CD37: variants seen among roughly 807,000 people sequenced by gnomAD.
The protein encoded by CD37 is leukocyte antigen CD37.
In CD37, 37 loss-of-function variants were observed where a neutral mutation model predicts 38.9. The ratio of observed to expected loss-of-function variants is 0.95; its 90% CI spans 0.73 to 1.25. The LOEUF (loss-of-function observed/expected upper bound fraction) is 1.25. Among genes scored for constraint, CD37 ranks in the 50% most tolerant of loss-of-function variants. The pLI, the probability that CD37 is intolerant of heterozygous loss-of-function variation, is 0.00. For missense variants in CD37, 351 were observed against 360.1 expected, an observed-to-expected ratio of 0.97 and a Z score of 0.20; for synonymous variants, 146 against 150.1, an observed-to-expected ratio of 0.97 and a Z score of 0.20.
chr19:49,336,319 G>A (rs1877718773), intron 2 of CD37: 1 of 159,276 alleles, frequency 6.3e-6, no homozygotes, highest in Non-Finnish European at 1.4e-5. Flanking sequence ...ACTTTGGGAA[G>A]CCGAGGCAGG....
In CD37 at chr19:49,335,551, A is replaced by T. The variant is rs761843933; in HGVS notation, c.11A>T (p.Gln4Leu). 6 of 1,613,728 alleles carry T rather than the reference A, an allele frequency of 3.7e-6. No individual in the cohort carries two copies. The highest frequency in any genetic ancestry group is 3.3e-5 in the Admixed American group (2 of 59,998). The change falls in exon 1 of 8, where the codon CAG becomes CTG. Residue 4 changes from glutamine to leucine, a missense_variant. By Grantham distance (113) the Gln-to-Leu change is moderately radical (BLOSUM62 -2). Transcript: ENST00000323906. This position sits in a 1 kb window ranked among gnomAD's most constrained non-coding sequence, Gnocchi z 4.6. ...CCCCACTAGGTGAAGATGTCAGCCC[A>T]GGAGAGCTGCCTCAGCCTCATCAAG... MSA[Q>L]ESCLSLIKYF...
At position 49,338,175 on chromosome 19, in the gene CD37, C is replaced by A. The variant is rs1036637227; in HGVS notation, c.447+146C>A. ...TCCCAGGCCCGACGCTCCCCACTCCCCAGATGACACAACTGTCCCCGGCGT... is the reference window on the plus strand; with the variant it reads ...TCCCAGGCCCGACGCTCCCCACTCCACAGATGACACAACTGTCCCCGGCGT... On this transcript the variant is annotated intron_variant, in intron 5 of 7. Coordinates refer to ENST00000323906, the MANE Select transcript of CD37 (RefSeq NM_001774.3). The surrounding 1 kb of genome is among the most constrained non-coding windows in gnomAD (Gnocchi z 5.0). The A allele has an allele frequency of 1.2e-5, 17 of 1,447,146 alleles. No homozygotes were observed. Among genetic ancestry groups the A allele is most frequent in the Non-Finnish European group, 1.5e-5 (17 of 1,103,166 alleles). The allele number at this position is 1,447,146 out of a possible 1,614,324, so 89.6% of individuals were successfully genotyped here.
In CD37 at chr19:49,337,941, G is replaced by T. The variant is rs1375549353; in HGVS notation, c.359G>T (p.Arg120Leu). The T allele has an allele frequency of 1.2e-6, 2 of 1,614,080 alleles. No individual in the cohort carries two copies. The highest frequency in any genetic ancestry group is 8.5e-7 in the Non-Finnish European group (1 of 1,180,000). The change falls in exon 5 of 8, where the codon CGG becomes CTG. Residue 120 changes from arginine (R) to leucine (L), a missense_variant. Transcript: ENST00000323906. ...GCCTCTCAGCTGGAGCGAAGCTTGCGGGACGTCGTAGAGAAAACCATCCAA... is the reference window on the plus strand; with the variant it reads ...GCCTCTCAGCTGGAGCGAAGCTTGCTGGACGTCGTAGAGAAAACCATCCAA... Reference protein sequence around the residue: ...TQRAQLERSLRDVVEKTIQKY... With the variant: ...TQRAQLERSLLDVVEKTIQKY...
Position 49,338,713 on chromosome 19 carries a change from G to A in CD37, c.461G>A (p.Gly154Asp). The A allele has an allele frequency of 6.2e-7, 1 of 1,611,708 alleles. No individual in the cohort carries two copies. Residue 154 changes from glycine to aspartate, a missense_variant, in exon 6 of 8, where the codon GGC (glycine) becomes GAC (aspartate). Transcript: ENST00000323906. This position sits in a 1 kb window ranked among gnomAD's most constrained non-coding sequence, Gnocchi z 5.0. Reference protein sequence around the residue: ...DYVQFQLRCCGWHYPQDWFQV... With the variant: ...DYVQFQLRCCDWHYPQDWFQV... Reference sequence around the variant, plus strand: ...TCCCTCTCCCAGCTGCGCTGCTGCGGCTGGCACTACCCGCAGGACTGGTTC... The same window carrying A: ...TCCCTCTCCCAGCTGCGCTGCTGCGACTGGCACTACCCGCAGGACTGGTTC...
In CD37 at chr19:49,337,139, C is replaced by T. The variant is rs781111491; in HGVS notation, c.268-8C>T. 1 of 1,614,178 alleles carries T rather than the reference C, an allele frequency of 6.2e-7. No homozygotes were observed. Among genetic ancestry groups the T allele is most frequent in the Non-Finnish European group, 8.5e-7 (1 of 1,180,008 alleles). On this transcript the variant is annotated splice_polypyrimidine_tract_variant and splice_region_variant and intron_variant, in intron 3 of 7. Coordinates refer to ENST00000323906, the MANE Select transcript of CD37 (RefSeq NM_001774.3). Reference sequence around the variant, plus strand: ...TGGTCAGCCTGATCTCTCCACTCTGCTCCCCAGTATTTTGGGATGCTGCTG... The same window carrying T: ...TGGTCAGCCTGATCTCTCCACTCTGTTCCCCAGTATTTTGGGATGCTGCTG...
In CD37 at chr19:49,338,260, C is replaced by G; in HGVS notation, c.447+231C>G. On this transcript the variant is annotated intron_variant, in intron 5 of 7. Coordinates refer to ENST00000323906, the MANE Select transcript of CD37 (RefSeq NM_001774.3). The surrounding 1 kb of genome is among the most constrained non-coding windows in gnomAD (Gnocchi z 5.0). ...CTTCGCCATCTACCTCGAGAGACTC[C>G]GCCCCCGCCCCCGCCCCGACCAGAG... 1 of 1,198,516 alleles carries G rather than the reference C, an allele frequency of 8.3e-7. No individual in the cohort carries two copies. The highest frequency in any genetic ancestry group is 1.1e-6 in the Non-Finnish European group (1 of 895,318). The allele number at this position is 1,198,516 out of a possible 1,614,324, so 74.2% of individuals were successfully genotyped here.
chr19:49,338,005 G>A lies in CD37; in HGVS notation c.423G>A (p.Glu141=), dbSNP rs1226412083. ...GTNPEETAAE[E]SWDYVQFQLR... is the part of the protein sequence containing the mutation. The stretch of plus-strand genomic sequence containing the variant: ...ACCCCGAGGAGACCGCGGCCGAGGA[G>A]AGCTGGGACTATGTGCAGTTCCAGG... Residue 141 remains glutamate (E), a synonymous_variant, in exon 5 of 8, where the codon GAG becomes GAA. Coordinates refer to ENST00000323906, the MANE Select transcript of CD37 (RefSeq NM_001774.3). The surrounding 1 kb of genome is among the most constrained non-coding windows in gnomAD (Gnocchi z 5.0). 2.5e-6 allele frequency: 4 copies of A among 1,613,884 alleles called. No homozygotes were observed. In the African/African-American group the frequency reaches 5.3e-5, roughly 22 times the overall value.
intron 7 of CD37, chr19:49,340,009 G>A: frequency 6.8e-7 from 1 of 1,460,118 alleles, no homozygotes; most frequent in Admixed American, 2.3e-5. Flanking sequence ...AAAGGACCCT[G>A]GGCTTGCTTC....
rs561070998 is a variant in CD37, at chr19:49,335,425, TTCTC to T, written c.-111_-108del. 6.7e-4 allele frequency: 533 copies of T among 798,742 alleles called. 3 individuals carry two copies. The highest frequency in any genetic ancestry group is 6.5e-3 in the South Asian group (414 of 63,800). The allele number at this position is 798,742 out of a possible 1,614,324, so 49.5% of individuals were successfully genotyped here. On this transcript the variant is annotated 5_prime_UTR_variant, in exon 1 of 8. Coordinates refer to ENST00000323906, the MANE Select transcript of CD37 (RefSeq NM_001774.3). The surrounding 1 kb of genome is among the most constrained non-coding windows in gnomAD (Gnocchi z 4.6). ...AACTTCCTCTTTTGGGGTTCTTCCTTTCTCTCTCAGCTCTCCGTCTCTCTTTCTC... is the reference window on the plus strand; with the variant it reads ...AACTTCCTCTTTTGGGGTTCTTCCTTTCTCAGCTCTCCGTCTCTCTTTCTC...
rs1255380265 is a variant in CD37 at position 49,339,497 on chromosome 19, G to C, written c.768+84G>C. On this transcript the variant is annotated intron_variant, in intron 7 of 7. Coordinates refer to ENST00000323906, the MANE Select transcript of CD37 (RefSeq NM_001774.3). This position sits in a 1 kb window ranked among gnomAD's most constrained non-coding sequence, Gnocchi z 4.5. ...TCATTTCGCGTCCTTCGGTTGCCTG[G>C]GAAGGACGAGCTCAGGGCGGAGCGC... is the stretch of plus-strand genomic sequence containing the variant. The C allele has an allele frequency of 1.0e-5, 16 of 1,532,902 alleles. No individual in the cohort carries two copies. Among genetic ancestry groups the C allele is most frequent in the Non-Finnish European group, 1.4e-5 (16 of 1,120,342 alleles). The allele number at this position is 1,532,902 out of a possible 1,614,324, so 95.0% of individuals were successfully genotyped here. A position where few individuals can be genotyped will look rare whatever the true frequency, so the allele number is the denominator to read the frequency against.
Position 49,339,072 on chromosome 19 carries a change from C to G in CD37, c.684+136C>G. 1 of 764,198 alleles carries G rather than the reference C, an allele frequency of 1.3e-6. No individual in the cohort carries two copies. The highest frequency in any genetic ancestry group is 2.4e-5 in the Admixed American group (1 of 41,584). 47.3% of individuals were successfully genotyped at this position (764,198 alleles called of 1,614,324 possible). ...AAGGTACGGCAGGAGGGGCGGGGCC[C>G]TCTGAAGGGGGCGGGGTCTGCAGGA... On this transcript the variant is annotated intron_variant, in intron 6 of 7. Coordinates refer to ENST00000323906, the MANE Select transcript of CD37 (RefSeq NM_001774.3). The surrounding 1 kb of genome is among the most constrained non-coding windows in gnomAD (Gnocchi z 4.5).
rs1374981697 is a variant in CD37 at position 49,339,905 on chromosome 19, A to G, written c.769-346A>G. 1.5e-6 allele frequency: 2 copies of G among 1,351,756 alleles called. No individual in the cohort carries two copies. Among genetic ancestry groups the G allele is most frequent in the South Asian group, 3.1e-5 (2 of 64,508 alleles). The allele number at this position is 1,351,756 out of a possible 1,614,324, so 83.7% of individuals were successfully genotyped here. On this transcript the variant is annotated intron_variant, in intron 7 of 7. Coordinates refer to ENST00000323906, the MANE Select transcript of CD37 (RefSeq NM_001774.3). The surrounding 1 kb of genome is among the most constrained non-coding windows in gnomAD (Gnocchi z 4.5). Reference sequence around the variant, plus strand: ...CTCTGGCCGCTGTGGGTTCAAGACGAGGACCAGCCTGACACTGGAAGTGCG... The same window carrying G: ...CTCTGGCCGCTGTGGGTTCAAGACGGGGACCAGCCTGACACTGGAAGTGCG...
rs1220177551 is a variant in CD37, at chr19:49,339,464, C to T, written c.768+51C>T. 6.3e-7 allele frequency: 1 copy of T among 1,576,476 alleles called. No individual in the cohort carries two copies. Among genetic ancestry groups the T allele is most frequent in the Non-Finnish European group, 8.7e-7 (1 of 1,150,398 alleles). On this transcript the variant is annotated intron_variant, in intron 7 of 7. Coordinates refer to ENST00000323906, the MANE Select transcript of CD37 (RefSeq NM_001774.3). This position sits in a 1 kb window ranked among gnomAD's most constrained non-coding sequence, Gnocchi z 4.5. The stretch of plus-strand genomic sequence containing the variant: ...GATCGGCCCTAAATCCCTAGATGGC[C>T]CTGCCCTTCATTTCGCGTCCTTCGG...
chr19:49,337,115 G>A (rs902142453), intron 3 of CD37, 32 bp from the exon 4 acceptor site: 1 of 1,614,064 alleles, frequency 6.2e-7, no homozygotes, highest in Non-Finnish European at 8.5e-7. Context: ...TTGCAGGGGT[G>A]GTCAGCCTGA....
intron 2 of CD37, 66 bp from the exon 3 acceptor site, chr19:49,336,843 G>A (rs1970974316): frequency 7.0e-6 from 11 of 1,581,760 alleles, no homozygotes; most frequent in Middle Eastern, 1.7e-4. Flanking sequence ...TGGCTGCCTA[G>A]GTGGGAAATG....
chr19:49,338,323 C>A lies in CD37; in HGVS notation c.447+294C>A, dbSNP rs1420219688. The A allele has an allele frequency of 7.0e-6, 5 of 710,920 alleles. No homozygotes were observed. The highest frequency in any genetic ancestry group is 8.8e-6 in the Non-Finnish European group (4 of 453,318). The allele number at this position is 710,920 out of a possible 1,614,324, so 44.0% of individuals were successfully genotyped here. A position where few individuals can be genotyped will look rare whatever the true frequency, so the allele number is the denominator to read the frequency against. ...CTAGTCCCAAGACCCTAGCGAGACA[C>A]GGCTTCCTACCCCGTAGTGACTCTG... is the stretch of plus-strand genomic sequence containing the variant. On this transcript the variant is annotated intron_variant, in intron 5 of 7. Transcript: ENST00000323906. The surrounding 1 kb of genome is among the most constrained non-coding windows in gnomAD (Gnocchi z 5.0).
chr19:49,338,890 G>T lies in CD37; in HGVS notation c.638G>T (p.Ser213Ile). Reference sequence around the variant, plus strand: ...GGACACCTGGCGCGGTCCAGACACAGTGCAGACATCTGCGCTGTCCCTGCA... The same window carrying T: ...GGACACCTGGCGCGGTCCAGACACATTGCAGACATCTGCGCTGTCCCTGCA... ...RLGHLARSRH[S>I]ADICAVPAES... Residue 213 changes from serine to isoleucine, a missense_variant, in exon 6 of 8, where the codon AGT becomes ATT. Coordinates refer to ENST00000323906, the MANE Select transcript of CD37 (RefSeq NM_001774.3). This position sits in a 1 kb window ranked among gnomAD's most constrained non-coding sequence, Gnocchi z 5.0. 6.2e-7 allele frequency: 1 copy of T among 1,614,170 alleles called. No homozygotes were observed. The highest frequency in any genetic ancestry group is 8.5e-7 in the Non-Finnish European group (1 of 1,180,036).
In CD37 at chr19:49,340,356, GCC is replaced by G; in HGVS notation, c.*32_*33del. The G allele has an allele frequency of 7.5e-7, 1 of 1,327,058 alleles. No homozygotes were observed. The highest frequency in any genetic ancestry group is 1.0e-6 in the Non-Finnish European group (1 of 955,808). 82.2% of individuals were successfully genotyped at this position (1,327,058 alleles called of 1,614,324 possible). On this transcript the variant is annotated 3_prime_UTR_variant, in exon 8 of 8. Coordinates refer to ENST00000323906, the MANE Select transcript of CD37 (RefSeq NM_001774.3). The stretch of plus-strand genomic sequence containing the variant: ...CCCGCCCTCCCCAAAGTCCCGCCCC[GCC>G]CCCGTCACGTGCGCTGGGCACTTCC...
chr19:49,337,894 A>G, intron 4 of CD37, 31 bp from the exon 5 acceptor site: 1 of 1,613,344 alleles, frequency 6.2e-7, no homozygotes, highest in Non-Finnish European at 8.5e-7. Context: ...GGCGGGGAAG[A>G]TAAGGCCCAG....
Sources: allele counts gnomAD v4.1 joint callset, GRCh38; gene constraint gnomAD v4.1.1; non-coding constraint Gnocchi (gnomAD v3.1); transcripts MANE v1.5; gene names NCBI Gene and HGNC (gene_info 2026-07-23, HGNC 2026-07-21).